Variants in PP2D1 observed in about 807,000 individuals in gnomAD.
PP2D1 encodes protein phosphatase 2C-like domain-containing protein 1.
PP2D1 carries 25 observed loss-of-function variants against 30.2 expected under a neutral mutation model. The observed-to-expected ratio is 0.83, with a 90% CI of 0.60 to 1.16. The LOEUF is 1.16. Among genes scored for constraint, PP2D1 ranks in the 50% most tolerant of loss-of-function variants. PP2D1 has a pLI of 0.00. For missense variants in PP2D1, 760 were observed against 742.4 expected (o/e 1.02, Z -0.28); for synonymous variants, 260 against 258.9 (o/e 1.00, Z -0.04).
chr3:19,993,640 G>A (rs1295406208), intron 2 of PP2D1, among the ~76,000 whole-genome samples: 1 of 152,228 alleles, frequency 6.6e-6, no homozygotes, highest in Non-Finnish European at 1.5e-5. Flanking sequence ...GGCTGAGGCA[G>A]GAGAATCGCT....
At chr3:20,006,992 C>T (rs1389895426) in intron 1 of PP2D1, among the ~76,000 whole-genome samples, 2 of 95,102 alleles carry the variant, frequency 2.1e-5, no homozygotes, top group African/African-American at 4.0e-5. Flanking sequence ...TATATGTATA[C>T]ACACACACAC....
chr3:19,990,372 C>T (rs1267062061), intron 2 of PP2D1, among the ~76,000 whole-genome samples: 1 of 152,216 alleles, frequency 6.6e-6, no homozygotes, highest in Admixed American at 6.5e-5. Context: ...TCTCAAACTC[C>T]TGGGCTCAAT....
chr3:19,987,365 A>G lies in PP2D1; in HGVS notation c.1091-1183T>C, dbSNP rs529151351. 1.3e-3 allele frequency among the ~76,000 whole-genome samples: 205 copies of G among 152,296 alleles called. 2 individuals carry two copies. Among genetic ancestry groups the G allele is most frequent in the Middle Eastern group, 6.8e-3 (2 of 294 alleles). ...TATAATTACGTATTTTTTAAATTACATATAATTACATATTGTTTTTCTTGA... is the reference window on the plus strand; with the variant it reads ...TATAATTACGTATTTTTTAAATTACGTATAATTACATATTGTTTTTCTTGA... On this transcript the variant is annotated intron_variant, in intron 2 of 2. Transcript: ENST00000389050.
chr3:19,997,915 T>G (rs2948108), intron 2 of PP2D1, among the ~76,000 whole-genome samples: 115,054 of 151,934 alleles, frequency 0.76, 44,251 homozygotes, highest in African/African-American at 0.8. Flanking sequence ...GTACAAACAG[T>G]CCAGGCACAG....
chr3:19,985,215 A>T (rs1271334206), downstream of PP2D1: 1 of 567,110 alleles, frequency 1.8e-6, no homozygotes, highest in Non-Finnish European at 3.0e-6. Flanking sequence ...GGCATAAAAC[A>T]GTGAATATAT....
intron 1 of PP2D1, 115 bp from the exon 2 acceptor site, chr3:20,002,211 G>A: frequency 1.6e-6 from 1 of 644,636 alleles, no homozygotes; most frequent in South Asian, 2.1e-5. Flanking sequence ...ATAAGCCTAG[G>A]ATTAAATATT....
rs1214729067 is a variant in PP2D1, at chr3:20,001,968, C to T, written c.152G>A (p.Arg51His). Residue 51 changes from arginine to histidine, a missense_variant, in exon 2 of 3, where the codon CGC becomes CAC. By Grantham distance (29) the Arg-to-His change is conservative (BLOSUM62 0). Coordinates refer to ENST00000389050, the MANE Select transcript of PP2D1 (RefSeq NM_001252657.2). ...CTCATAGACCTGCTCCTCTTCATGG[C>T]GTTTGGTGTGTCTCACTGGTCTTGA... ...KKSRPVRHTK[R>H]HEEEQVYEQG... 13 of 1,536,074 alleles carry T rather than the reference C, an allele frequency of 8.5e-6. No homozygotes were observed. The highest frequency in any genetic ancestry group is 1.2e-5 in the South Asian group (1 of 84,066).
At chr3:20,000,666 C>A (rs1368157679) in intron 2 of PP2D1, among the ~76,000 whole-genome samples, 1 of 152,158 alleles carries the variant, frequency 6.6e-6, no homozygotes, top group Non-Finnish European at 1.5e-5. Flanking sequence ...GAGCAAACAA[C>A]TTTCCATTTT....
At position 19,985,865 on chromosome 3, in the gene PP2D1, C is replaced by T. The variant is rs1045624229; in HGVS notation, c.1408G>A (p.Ala470Thr). The change falls in exon 3 of 3, where the codon GCA becomes ACA. Residue 470 changes from alanine (A) to threonine (T), a missense_variant. Ala to Thr is a moderately conservative substitution (Grantham distance 58, BLOSUM62 0). Transcript: ENST00000389050. ...TTATACATGTGAAATGTTGTCATTG[C>T]CAGGGCAGTAACTTCCTCTTTATCC... ...VLDKEEVTAL[A>T]MTTFHMYKET... 7 of 1,536,318 alleles carry T rather than the reference C, an allele frequency of 4.6e-6. No homozygotes were observed. The highest frequency in any genetic ancestry group is 6.1e-6 in the Non-Finnish European group (7 of 1,146,938).
At chr3:19,998,360 A>T (rs189962222) in intron 2 of PP2D1, among the ~76,000 whole-genome samples, 2 of 152,154 alleles carry the variant, frequency 1.3e-5, no homozygotes, top group East Asian at 3.9e-4. Context: ...ACATACAGTT[A>T]GAGACAAGGA....
At chr3:20,002,123 A>G in intron 1 of PP2D1, 27 bp from the exon 2 acceptor site, 19 of 1,438,404 alleles carry the variant, frequency 1.3e-5, no homozygotes, top group Non-Finnish European at 1.6e-5. Flanking sequence ...AGATATTTAC[A>G]TGCCAGGATG....
At chr3:20,006,139 G>T (rs535405879) in intron 1 of PP2D1, among the ~76,000 whole-genome samples, 4 of 151,688 alleles carry the variant, frequency 2.6e-5, no homozygotes, top group Non-Finnish European at 5.9e-5. Context: ...TCAGCTACTC[G>T]GGAGGCTGAG....
At chr3:19,983,621 C>G (rs774664395), downstream of PP2D1, 10 of 933,552 alleles carry the variant, frequency 1.1e-5, no homozygotes, top group African/African-American at 3.3e-5. Context: ...GGTAACCTAA[C>G]TGGAAAGAAA....
intron 2 of PP2D1, among the ~76,000 whole-genome samples, chr3:19,989,592 C>G (rs982159090): frequency 6.6e-6 from 1 of 152,138 alleles, no homozygotes; most frequent in Non-Finnish European, 1.5e-5. Context: ...TCAGTAAAAT[C>G]TTGACTTTTG....
At chr3:20,009,759 T>C (rs990300312) in intron 1 of PP2D1, among the ~76,000 whole-genome samples, 27 of 152,264 alleles carry the variant, frequency 1.8e-4, no homozygotes, top group Admixed American at 7.8e-4. Context: ...TAAATAAAAA[T>C]TAAAGAAGCA....
At position 20,001,080 on chromosome 3, in the gene PP2D1, G is replaced by A; in HGVS notation, c.1040C>T (p.Ser347Phe). The change falls in exon 2 of 3, where the codon TCC becomes TTC. Residue 347 changes from serine to phenylalanine, a missense_variant. Ser to Phe is a radical substitution (Grantham distance 155, BLOSUM62 -2). Coordinates refer to ENST00000389050, the MANE Select transcript of PP2D1 (RefSeq NM_001252657.2). ...THDGLAESSP[S>F]QEMPKIISGI... ...AGAAATTATTTTTGGCATCTCCTGG[G>A]AAGGGGAGCTCTCTGCCAACCCATC... The A allele has an allele frequency of 1.4e-6, 2 of 1,402,142 alleles. No homozygotes were observed. Among genetic ancestry groups the A allele is most frequent in the Non-Finnish European group, 1.9e-6 (2 of 1,080,322 alleles). The allele number at this position is 1,402,142 out of a possible 1,614,324, so 86.9% of individuals were successfully genotyped here. A position where few individuals can be genotyped will look rare whatever the true frequency, so the allele number is the denominator to read the frequency against.
At chr3:19,995,831 C>T (rs6783064) in intron 2 of PP2D1, among the ~76,000 whole-genome samples, 101 of 152,096 alleles carry the variant, frequency 6.6e-4, no homozygotes, top group African/African-American at 2.4e-3. Context: ...GGAAATTGTA[C>T]AAATACATGG....
At chr3:19,991,480 A>G (rs1697119034) in intron 2 of PP2D1, among the ~76,000 whole-genome samples, 1 of 152,220 alleles carries the variant, frequency 6.6e-6, no homozygotes, top group South Asian at 2.1e-4. Flanking sequence ...GTGGTCAGAA[A>G]AAGACATACC....
intron 1 of PP2D1, among the ~76,000 whole-genome samples, chr3:20,009,729 A>C (rs536042574): frequency 3.9e-5 from 6 of 152,212 alleles, no homozygotes; most frequent in African/African-American, 1.4e-4. Context: ...ACCTTCATAC[A>C]TGATTTACAC....
Sources: allele counts gnomAD v4.1 joint callset (sites outside exome capture counted in the v4.1 genomes callset), GRCh38; gene constraint gnomAD v4.1.1; transcripts MANE v1.5; gene names NCBI Gene and HGNC (gene_info 2026-07-23, HGNC 2026-07-21).